The following SEC16A variants were observed in gnomAD, a reference collection of about 807,000 sequenced individuals.
SEC16A encodes protein transport protein Sec16A.
SEC16A carries 110 observed loss-of-function variants against 221.9 expected under a neutral mutation model. The observed-to-expected ratio is 0.50, with a 90% CI of 0.42 to 0.58. SEC16A has a LOEUF of 0.58. SEC16A is among the 20% of genes least tolerant of loss of function. The pLI is 0.00. For missense variants in SEC16A, 3,165 were observed against 3,097.8 expected (o/e 1.02, Z -0.52); for synonymous variants, 1,393 against 1,257.7 (o/e 1.11, Z -2.28).
intron 1 of SEC16A, among the ~76,000 whole-genome samples, chr9:136,482,099 G>T (rs1326148098): frequency 6.6e-6 from 1 of 152,182 alleles, no homozygotes; most frequent in Non-Finnish European, 1.5e-5. Flanking sequence ...CAAGGAACAA[G>T]AAAGACACGC....
intron 21 of SEC16A, 61 bp from the exon 22 acceptor site, chr9:136,453,571 G>C (rs940720241): frequency 7.3e-7 from 1 of 1,374,358 alleles, no homozygotes; most frequent in Non-Finnish European, 1.0e-6. Context: ...CGTGTGTGTG[G>C]CGCACAGATC....
At chr9:136,442,580 G>A (rs1185294202) in intron 31 of SEC16A, among the ~76,000 whole-genome samples, 1 of 152,266 alleles carries the variant, frequency 6.6e-6, no homozygotes, top group Non-Finnish European at 1.5e-5. Context: ...GGAGAGGGGA[G>A]GAGAGACGAG....
At chr9:136,455,943 C>T (rs1334443791) in intron 19 of SEC16A, 110 bp downstream of exon 19, 1 of 1,190,618 alleles carries the variant, frequency 8.4e-7, no homozygotes, top group Non-Finnish European at 1.2e-6. Context: ...CTCATAGGCA[C>T]ACGTTTGCAG....
chr9:136,456,701 A>G (rs1235122044), intron 18 of SEC16A, among the ~76,000 whole-genome samples: 3 of 152,172 alleles, frequency 2.0e-5, no homozygotes, highest in African/African-American at 7.2e-5. Context: ...ACTACTGACA[A>G]GAGGTGAAGA....
At position 136,474,060 on chromosome 9, in the gene SEC16A, G is replaced by A. The variant is rs373058731; in HGVS notation, c.3556C>T (p.Leu1186Phe). The change falls in exon 3 of 32, where the codon CTC becomes TTC. Residue 1186 changes from leucine to phenylalanine, a missense_variant. Physicochemically the swap from Leu to Phe is conservative, Grantham distance 22. Around this residue, in one of 3 missense-constraint regions of SEC16A, gnomAD observed 2,030 missense variants for 1,923.1 expected, o/e 1.06. Transcript: ENST00000684901. ...PYPPEPGAAS[L>F]YYQDVYSLYE... The stretch of plus-strand genomic sequence containing the variant: ...GACTCGACTCTTACCTGGTAATAGA[G>A]GGAGGCTGCGCCAGGCTCCGGTGGG... 4.0e-5 allele frequency: 64 copies of A among 1,603,818 alleles called. No individual in the cohort carries two copies. In the African/African-American group the frequency reaches 5.2e-4, roughly 13 times the overall value.
In SEC16A at chr9:136,475,169, G is replaced by A. The variant is rs1350442597; in HGVS notation, c.2447C>T (p.Ser816Phe). 5 of 1,613,732 alleles carry A rather than the reference G, an allele frequency of 3.1e-6. No homozygotes were observed. Among genetic ancestry groups the A allele is most frequent in the Non-Finnish European group, 4.2e-6 (5 of 1,179,866 alleles). ...CTGCAGAGACTCAGTGGGCGGTGAG[G>A]ATAATAAACTTGCATAACCAGAACT... ...QASSGYASLL[S>F]SPPTESLQNP... Residue 816 changes from serine (S) to phenylalanine (F), a missense_variant, in exon 3 of 32, where the codon TCC becomes TTC. By Grantham distance (155) the Ser-to-Phe change is radical. This residue lies in a region of SEC16A where 2,030 missense variants were observed against 1,923.1 expected (regional missense o/e 1.06). Transcript: ENST00000684901. The surrounding 1 kb of genome is among the most constrained non-coding windows in gnomAD (Gnocchi z 5.0).
At chr9:136,467,535 C>T (rs1341230813) in intron 5 of SEC16A, among the ~76,000 whole-genome samples, 1 of 152,124 alleles carries the variant, frequency 6.6e-6, no homozygotes, top group Non-Finnish European at 1.5e-5. Flanking sequence ...CTGCTTTTGA[C>T]TAGTTAATCC....
chr9:136,480,387 C>G (rs546495608), intron 1 of SEC16A, among the ~76,000 whole-genome samples: 8 of 152,298 alleles, frequency 5.3e-5, no homozygotes, highest in Admixed American at 2.6e-4. Flanking sequence ...ACACAGAGCA[C>G]GGGCCTAGAG....
rs1328782193 is a variant in SEC16A, at chr9:136,474,569, C to T, written c.3047G>A (p.Ser1016Asn). 1.2e-6 allele frequency: 2 copies of T among 1,612,930 alleles called. No homozygotes were observed. The highest frequency in any genetic ancestry group is 2.2e-5 in the East Asian group (1 of 44,882). ...GGCAACACTTTGCTGAGAAGCGAGG[C>T]TGTCAGAATGGGACGGGTTGTACAC... ...VNVYNPSHSD[S>N]LASQQSVASH... is the part of the protein sequence containing the mutation. Residue 1016 changes from serine (S) to asparagine (N), a missense_variant, in exon 3 of 32, where the codon AGC becomes AAC. By Grantham distance (46) the Ser-to-Asn change is conservative. This residue lies in a region of SEC16A where 2,030 missense variants were observed against 1,923.1 expected (regional missense o/e 1.06). Transcript: ENST00000684901.
intron 4 of SEC16A, among the ~76,000 whole-genome samples, chr9:136,470,550 C>T (rs1840722687): frequency 6.6e-6 from 1 of 152,216 alleles, no homozygotes; most frequent in African/African-American, 2.4e-5. Flanking sequence ...GACAGGGTGA[C>T]ACACAGTAGC....
rs1836085886 is a variant in SEC16A at position 136,440,600 on chromosome 9, C to CA, written c.*1154dup. The CA allele has an allele frequency of 6.6e-6, 1 of 152,606 alleles. No individual in the cohort carries two copies. The highest frequency in any genetic ancestry group is 6.5e-5 in the Admixed American group (1 of 15,280). The allele number at this position is 152,606 out of a possible 1,614,324, so 9.5% of individuals were successfully genotyped here. On this transcript the variant is annotated 3_prime_UTR_variant, in exon 32 of 32. Transcript: ENST00000684901. ...AGAATACGAAGAGTTTCAGAACAGT[C>CA]AGAGAAGCCTTAAAGCTTTGCATCA...
chr9:136,477,687 G>A lies in SEC16A; in HGVS notation c.-69-3C>T. The A allele has an allele frequency of 4.1e-6, 6 of 1,457,428 alleles. No homozygotes were observed. The highest frequency in any genetic ancestry group is 5.4e-6 in the Non-Finnish European group (6 of 1,108,364). 90.3% of individuals were successfully genotyped at this position (1,457,428 alleles called of 1,614,324 possible). A position where few individuals can be genotyped will look rare whatever the true frequency, so the allele number is the denominator to read the frequency against. ...ATATAGCTGTTCCTTAATTGGAGCT[G>A]GAAAAGAAAAAGAGAAAATCAGCAT... On this transcript the variant is annotated splice_polypyrimidine_tract_variant and splice_region_variant and intron_variant, in intron 2 of 31. Coordinates refer to ENST00000684901, the MANE Select transcript of SEC16A (RefSeq NM_014866.2).
At chr9:136,458,758 T>C (rs1353735761) in intron 17 of SEC16A, among the ~76,000 whole-genome samples, 8 of 151,762 alleles carry the variant, frequency 5.3e-5, no homozygotes, top group Admixed American at 3.9e-4. Flanking sequence ...ACAGTTTTTT[T>C]CTACAAAAAA....
intron 1 of SEC16A, among the ~76,000 whole-genome samples, chr9:136,481,454 G>A (rs1254721275): frequency 1.3e-5 from 2 of 152,136 alleles, no homozygotes; most frequent in African/African-American, 2.4e-5. Context: ...ATTTTATTCT[G>A]TAACCTCAAG....
Position 136,454,187 on chromosome 9 carries a change from C to G in SEC16A, c.5998G>C (p.Gly2000Arg). Residue 2000 changes from glycine to arginine, a missense_variant, in exon 21 of 32, where the codon GGG becomes CGG. Gly to Arg is a moderately radical substitution (Grantham distance 125). Transcript: ENST00000684901. ...GPALGFLEPSGPGLPPGVPPL... is the reference protein window; with the variant it reads ...GPALGFLEPSRPGLPPGVPPL... ...GGCACACCAGGTGGGAGGCCAGGCC[C>G]GGAGGGCTCCAGGAAGCCAAGTGCA... 1 of 1,560,390 alleles carries G rather than the reference C, an allele frequency of 6.4e-7. No individual in the cohort carries two copies. The highest frequency in any genetic ancestry group is 1.9e-5 in the Admixed American group (1 of 51,856).
In SEC16A at chr9:136,476,761, G is replaced by GTGGCTCACCTCGTCTC; in HGVS notation, c.839_854dup (p.His285GlnfsTer16). The GTGGCTCACCTCGTCTC allele has an allele frequency of 1.2e-6, 2 of 1,610,524 alleles. No individual in the cohort carries two copies. Among genetic ancestry groups the GTGGCTCACCTCGTCTC allele is most frequent in the Non-Finnish European group, 1.7e-6 (2 of 1,177,540 alleles). On this transcript the variant is annotated frameshift_variant, in exon 3 of 32. Coordinates refer to ENST00000684901, the MANE Select transcript of SEC16A (RefSeq NM_014866.2). LOFTEE classifies it high-confidence loss of function. The stretch of plus-strand genomic sequence containing the variant: ...TGGCCAGGTGGCTTCCACTTTGCAA[G>GTGGCTCACCTCGTCTC]TGGCTCACCTCGTCTCTTCCGTCAC...
intron 22 of SEC16A, 55 bp downstream of exon 22, chr9:136,453,373 C>A: frequency 7.8e-7 from 1 of 1,285,090 alleles, no homozygotes; most frequent in Non-Finnish European, 1.1e-6. Context: ...AGTCTGGGTG[C>A]CCACTCGATG....
intron 8 of SEC16A, among the ~76,000 whole-genome samples, chr9:136,465,479 A>T (rs556009674): frequency 3.4e-4 from 52 of 152,308 alleles, no homozygotes; most frequent in Non-Finnish European, 5.9e-4. Context: ...ACAAACAAAA[A>T]AACTCAGCCT....
In SEC16A at chr9:136,474,114, C is replaced by T. The variant is rs1841284322; in HGVS notation, c.3502G>A (p.Ala1168Thr). 1 of 1,613,186 alleles carries T rather than the reference C, an allele frequency of 6.2e-7. No homozygotes were observed. Among genetic ancestry groups the T allele is most frequent in the Non-Finnish European group, 8.5e-7 (1 of 1,179,858 alleles). ...AYYYYRPLYD[A>T]YQPQYSLPYP... ...GGCAAAGAGTACTGAGGCTGGTAGG[C>T]ATCGTACAAAGGCCGGTAGTAGTAG... The change falls in exon 3 of 32, where the codon GCC (alanine) becomes ACC (threonine). Residue 1168 changes from alanine (A) to threonine (T), a missense_variant. Ala to Thr is a moderately conservative substitution (Grantham distance 58). Transcript: ENST00000684901.
Sources: gnomAD v4.1 joint callset for allele counts (sites outside exome capture counted in the v4.1 genomes callset) on GRCh38, gnomAD v4.1.1 for gene constraint, gnomAD v4.1.1 regional missense constraint, Gnocchi (gnomAD v3.1) non-coding constraint, MANE v1.5 for transcripts, NCBI Gene and HGNC (gene_info 2026-07-23, HGNC 2026-07-21) for gene names.